The following ARHGAP44 variants were observed in gnomAD, a reference collection of about 807,000 sequenced individuals.
The protein encoded by ARHGAP44 is rho GTPase-activating protein 44.
Under a neutral mutation model 106.8 loss-of-function variants are expected in ARHGAP44, and 43 were observed. The ratio of observed to expected loss-of-function variants is 0.40; its 90% CI spans 0.32 to 0.52. The LOEUF is 0.52. Ranked by LOEUF, ARHGAP44 falls within the 20% of genes least tolerant of loss-of-function variation. The probability of loss-of-function intolerance (pLI) is 0.48; values close to 1 mark genes in which losing one functional copy is unlikely to be tolerated. For missense variants in ARHGAP44, 866 were observed against 1,050.5 expected (o/e 0.82, Z 2.43); for synonymous variants, 439 against 410.3 (o/e 1.07, Z -0.85).
chr17:12,825,896 A>G (rs2034906025), intron 1 of ARHGAP44, among the ~76,000 whole-genome samples: 1 of 152,188 alleles, frequency 6.6e-6, no homozygotes, highest in African/African-American at 2.4e-5. Context: ...TATGGATTTG[A>G]GAGCGTTAAC....
chr17:12,849,594 T>G (rs75284639), intron 1 of ARHGAP44, among the ~76,000 whole-genome samples: 1,419 of 112,078 alleles, frequency 0.013, 28 homozygotes, highest in African/African-American at 0.03. Flanking sequence ...TTTTTTTTTT[T>G]GCTTGGCTTC....
intron 20 of ARHGAP44, chr17:12,986,514 G>A (rs934087924): frequency 1.3e-5 from 2 of 152,688 alleles, no homozygotes; most frequent in African/African-American, 2.4e-5. Context: ...TGTAATCCCA[G>A]CACTTTGGGA....
At position 12,915,884 on chromosome 17, in the gene ARHGAP44, C is replaced by T. The variant is rs558810975; in HGVS notation, c.276-16C>T. 7 of 1,607,234 alleles carry T rather than the reference C, an allele frequency of 4.4e-6. No homozygotes were observed. The Admixed American group carries it at 5.0e-5, about 12-fold the overall frequency. ...CTTCAAGAGTATTCACTATTTCTTTCCCCCTTGGATTACAGGAAGATGCTG... is the reference window on the plus strand; with the variant it reads ...CTTCAAGAGTATTCACTATTTCTTTTCCCCTTGGATTACAGGAAGATGCTG... On this transcript the variant is annotated splice_polypyrimidine_tract_variant and intron_variant, in intron 4 of 20. Transcript: ENST00000379672.
intron 1 of ARHGAP44, among the ~76,000 whole-genome samples, chr17:12,861,648 T>TTTTTTTTTTTTTTTTAA: frequency 1.4e-4 from 2 of 14,202 alleles, no homozygotes; most frequent in South Asian, 3.1e-3. Context: ...CTTCCACTTT[T>TTTTTTTTTTTTTTTTAA]TTTTTTTTTT....
rs2035450739 is a variant in ARHGAP44, at chr17:12,842,621, A to G, written c.54-52319A>G. 2.6e-5 allele frequency among the ~76,000 whole-genome samples: 4 copies of G among 152,056 alleles called. No individual in the cohort carries two copies. In the South Asian group the frequency reaches 8.3e-4, roughly 32 times the overall value. Reference sequence around the variant, plus strand: ...TGTGGCCCAGTAAATTGCATTCCTAATAAATTTCCAGGTGTTCTAATGCTG... The same window carrying G: ...TGTGGCCCAGTAAATTGCATTCCTAGTAAATTTCCAGGTGTTCTAATGCTG... On this transcript the variant is annotated intron_variant, in intron 1 of 20. Coordinates refer to ENST00000379672, the MANE Select transcript of ARHGAP44 (RefSeq NM_014859.6).
intron 1 of ARHGAP44, among the ~76,000 whole-genome samples, chr17:12,794,809 G>C (rs1235082259): frequency 6.6e-6 from 1 of 152,178 alleles, no homozygotes; most frequent in Non-Finnish European, 1.5e-5. Context: ...GCATTAGCCA[G>C]TGGTGGGGAG....
intron 20 of ARHGAP44, chr17:12,986,682 AAAAAAAAAAAAAAAAAAAAAG>A: frequency 6.9e-6 from 1 of 145,666 alleles, no homozygotes; most frequent in African/African-American, 2.5e-5. Flanking sequence ...TCAAAAAAAA[AAAAAAAAAAAAAAAAAAAAAG>A]AATGAGCAGA....
chr17:12,908,363 A>G (rs2037626106), intron 3 of ARHGAP44, among the ~76,000 whole-genome samples: 1 of 151,616 alleles, frequency 6.6e-6, no homozygotes. Context: ...CACCCAGTTA[A>G]TTTTTATGTT....
intron 20 of ARHGAP44, chr17:12,987,143 G>C (rs2039981120): frequency 6.5e-7 from 1 of 1,534,194 alleles, no homozygotes. Flanking sequence ...GTGTGAGGGG[G>C]ATTTTCAGGG....
At chr17:12,866,515 GA>G (rs905567396) in intron 1 of ARHGAP44, among the ~76,000 whole-genome samples, 98 of 149,192 alleles carry the variant, frequency 6.6e-4, no homozygotes, top group African/African-American at 1.9e-3. Flanking sequence ...AGAGAGAGAG[GA>G]AAAAAAAAAT....
chr17:12,965,771 T>C (rs78927793), intron 16 of ARHGAP44, among the ~76,000 whole-genome samples: 15,275 of 152,212 alleles, frequency 0.1, 891 homozygotes, highest in South Asian at 0.2. Context: ...CTGAGATAAA[T>C]TGAACCAGTG....
rs529942054 is a variant in ARHGAP44, at chr17:12,977,079, C to A, written c.1763+2769C>A. Among the ~76,000 whole-genome samples the A allele has an allele frequency of 1.3e-4, 20 of 151,800 alleles. 1 individual carries two copies. The South Asian group carries it at 3.8e-3, about 29-fold the overall frequency. On this transcript the variant is annotated intron_variant, in intron 18 of 20. Coordinates refer to ENST00000379672, the MANE Select transcript of ARHGAP44 (RefSeq NM_014859.6). Reference sequence around the variant, plus strand: ...TTCCAGGAACATTCTCGGTGGGTGACCTTGCAGAGTTACTTGTGGGCAGGC... The same window carrying A: ...TTCCAGGAACATTCTCGGTGGGTGAACTTGCAGAGTTACTTGTGGGCAGGC...
intron 5 of ARHGAP44, chr17:12,917,453 G>A (rs912290868): frequency 6.5e-6 from 1 of 152,748 alleles, no homozygotes; most frequent in Admixed American, 6.5e-5. Flanking sequence ...AGTCTGATGA[G>A]GGGAAAAGGC....
Position 12,803,559 on chromosome 17 carries a change from G to A in ARHGAP44, c.53+13668G>A, listed in dbSNP as rs57962960. On this transcript the variant is annotated intron_variant, in intron 1 of 20. Transcript: ENST00000379672. Reference sequence around the variant, plus strand: ...GTTGCCCAGGCTGGAGTGCAGTGGCGTGGGTCGTAGCTCACTGTATGCTCA... The same window carrying A: ...GTTGCCCAGGCTGGAGTGCAGTGGCATGGGTCGTAGCTCACTGTATGCTCA... Among the ~76,000 whole-genome samples the A allele has an allele frequency of 8.5e-3, 1,301 of 152,236 alleles. 7 individuals are homozygous for A. The highest frequency in any genetic ancestry group is 0.03 in the African/African-American group (1,255 of 41,546).
At chr17:12,835,480 G>A (rs1051208945) in intron 1 of ARHGAP44, among the ~76,000 whole-genome samples, 1 of 152,128 alleles carries the variant, frequency 6.6e-6, no homozygotes, top group Admixed American at 6.5e-5. Context: ...CTCAGTTGCT[G>A]TTTGTCTTCT....
intron 7 of ARHGAP44, among the ~76,000 whole-genome samples, chr17:12,930,264 G>A (rs572044185): frequency 2.7e-5 from 4 of 147,198 alleles, no homozygotes; most frequent in African/African-American, 5.1e-5. Flanking sequence ...GCAGAGTTTC[G>A]TTCTTGTTGC....
intron 3 of ARHGAP44, among the ~76,000 whole-genome samples, chr17:12,897,947 A>G (rs2037262381): frequency 6.6e-6 from 1 of 152,032 alleles, no homozygotes; most frequent in Non-Finnish European, 1.5e-5. Context: ...ATCAGTAAGG[A>G]TACATTTGGA....
At chr17:12,934,356 G>A (rs1312660045) in intron 7 of ARHGAP44, among the ~76,000 whole-genome samples, 7 of 152,170 alleles carry the variant, frequency 4.6e-5, no homozygotes, top group Non-Finnish European at 8.8e-5. Flanking sequence ...ACAATCTGAA[G>A]AGCACATATA....
chr17:12,914,466 G>C (rs5017214), intron 4 of ARHGAP44, among the ~76,000 whole-genome samples: 76,662 of 152,012 alleles, frequency 0.5, 19,852 homozygotes, highest in Non-Finnish European at 0.57. Flanking sequence ...ATTGCAAAAT[G>C]ATCTGATTCC....
Sources: allele counts gnomAD v4.1 joint callset (sites outside exome capture counted in the v4.1 genomes callset), GRCh38; gene constraint gnomAD v4.1.1; transcripts MANE v1.5; gene names NCBI Gene and HGNC (gene_info 2026-07-23, HGNC 2026-07-21).